KATNIP: variants seen among roughly 807,000 people sequenced by gnomAD.
KATNIP encodes katanin-interacting protein.
A neutral mutation model predicts 174.0 loss-of-function variants in KATNIP; 126 were observed. The ratio of observed to expected loss-of-function variants is 0.72; its 90% confidence interval spans 0.63 to 0.84. KATNIP has a LOEUF of 0.84. Among genes scored for constraint, KATNIP ranks in the 40% least tolerant of loss-of-function variants. The pLI, the probability that KATNIP is intolerant of heterozygous loss-of-function variation, is 0.00. For missense variants in KATNIP, 1,958 were observed against 2,109.7 expected, an observed-to-expected ratio of 0.93 and a Z score of 1.41; for synonymous variants, 810 against 835.7, an observed-to-expected ratio of 0.97 and a Z score of 0.53.
chr16:27,580,474 A>G (rs2090654843), intron 2 of KATNIP, among the ~76,000 whole-genome samples: 1 of 152,216 alleles, frequency 6.6e-6, no homozygotes, highest in South Asian at 2.1e-4. Flanking sequence ...GCCACAGGCC[A>G]GTGAGAGAGT....
chr16:27,666,961 T>C (rs556807874), intron 6 of KATNIP, among the ~76,000 whole-genome samples: 1 of 152,306 alleles, frequency 6.6e-6, no homozygotes, highest in East Asian at 1.9e-4. Flanking sequence ...AAGTCTGTCT[T>C]GTTCATCACT....
intron 18 of KATNIP, among the ~76,000 whole-genome samples, chr16:27,758,893 A>G (rs997715013): frequency 6.6e-6 from 1 of 152,202 alleles, no homozygotes; most frequent in African/African-American, 2.4e-5. Context: ...AGTCTTTGCT[A>G]GAATGCAAGC....
At position 27,740,432 on chromosome 16, in the gene KATNIP, C is replaced by G; in HGVS notation, c.2135C>G (p.Pro712Arg). The G allele has an allele frequency of 6.2e-7, 1 of 1,613,964 alleles. No homozygotes were observed. The highest frequency in any genetic ancestry group is 1.1e-5 in the South Asian group (1 of 91,078). ...GTCCCCACTTCGATGGGTGACATGC[C>G]CAGTGCTCCTGCCACTTCCCCACCT... Reference protein sequence around the residue: ...SAVPTSMGDMPSAPATSPPVK... With the variant: ...SAVPTSMGDMRSAPATSPPVK... The change falls in exon 15 of 28, where the codon CCC becomes CGC. Residue 712 changes from proline to arginine, a missense_variant. Physicochemically the swap from Pro to Arg is moderately radical, Grantham distance 103. Transcript: ENST00000261588.
intron 14 of KATNIP, among the ~76,000 whole-genome samples, chr16:27,734,853 C>T (rs1012198983): frequency 6.6e-6 from 1 of 152,202 alleles, no homozygotes; most frequent in African/African-American, 2.4e-5. Context: ...AGCATGCCAG[C>T]CATAGTGGCT....
intron 22 of KATNIP, among the ~76,000 whole-genome samples, 182 bp downstream of exon 22, chr16:27,771,834 G>A (rs1305348833): frequency 6.6e-6 from 1 of 152,196 alleles, no homozygotes; most frequent in African/African-American, 2.4e-5. Flanking sequence ...TGCTGGAACT[G>A]GGGCAGCCAG....
At position 27,698,315 on chromosome 16, in the gene KATNIP, C is replaced by A; in HGVS notation, c.941-13C>A. ...ATAATCTAAAAGAACGTCCCCCTGTCTTCTGCCCTCAGGACCTGGAAGCCG... is the reference window on the plus strand; with the variant it reads ...ATAATCTAAAAGAACGTCCCCCTGTATTCTGCCCTCAGGACCTGGAAGCCG... On this transcript the variant is annotated splice_polypyrimidine_tract_variant and intron_variant, in intron 8 of 27. Transcript: ENST00000261588. The A allele has an allele frequency of 6.2e-7, 1 of 1,602,208 alleles. No homozygotes were observed.
intron 5 of KATNIP, among the ~76,000 whole-genome samples, chr16:27,643,020 C>T (rs1342318676): frequency 3.3e-5 from 5 of 152,136 alleles, no homozygotes; most frequent in Admixed American, 2.0e-4. Context: ...AGCCTCAGCC[C>T]GTATTTGTAA....
chr16:27,727,035 G>C (rs2080477898), intron 14 of KATNIP, among the ~76,000 whole-genome samples: 9 of 152,228 alleles, frequency 5.9e-5, no homozygotes, highest in Admixed American at 5.9e-4. Flanking sequence ...GTATACCTCA[G>C]CTTTATCTGA....
At chr16:27,626,209 G>A (rs1045091086) in intron 3 of KATNIP, among the ~76,000 whole-genome samples, 2 of 135,326 alleles carry the variant, frequency 1.5e-5, no homozygotes, top group African/African-American at 5.7e-5. Flanking sequence ...GCCCCCCACT[G>A]AACAGATCAC....
chr16:27,582,809 A>G (rs985866667), intron 2 of KATNIP, among the ~76,000 whole-genome samples: 2 of 152,206 alleles, frequency 1.3e-5, no homozygotes, highest in African/African-American at 2.4e-5. Context: ...AACCTGGCAC[A>G]TACTCAGAGC....
intron 22 of KATNIP, 129 bp downstream of exon 22, chr16:27,771,781 C>A: frequency 2.1e-6 from 2 of 951,266 alleles, no homozygotes; most frequent in Non-Finnish European, 3.2e-6. Context: ...GAAACCAAGG[C>A]AGAGGATAGG....
In KATNIP at chr16:27,567,524, G is replaced by A. The variant is rs569764580; in HGVS notation, c.8-6377G>A. ...CCTTGTGTTTTTTTTCTGTTTGTTT[G>A]TGTTTTTGTTGTTGTTTGAGAAGGA... On this transcript the variant is annotated intron_variant, in intron 1 of 27. Coordinates refer to ENST00000261588, the MANE Select transcript of KATNIP (RefSeq NM_015202.5). Among the ~76,000 whole-genome samples, 172 of 152,038 alleles carry A rather than the reference G, an allele frequency of 1.1e-3. 1 individual carries two copies. Among genetic ancestry groups the A allele is most frequent in the Non-Finnish European group, 2.0e-3 (133 of 67,946 alleles).
chr16:27,706,648 C>G (rs747451396), intron 12 of KATNIP, among the ~76,000 whole-genome samples: 1 of 152,194 alleles, frequency 6.6e-6, no homozygotes, highest in Admixed American at 6.5e-5. Flanking sequence ...TTAACAGATC[C>G]TTCAGCTTTT....
chr16:27,719,102 A>T (rs1251668716), intron 13 of KATNIP, among the ~76,000 whole-genome samples: 1 of 152,182 alleles, frequency 6.6e-6, no homozygotes, highest in East Asian at 1.9e-4. Flanking sequence ...GAGGTTGCTT[A>T]TTGGCAGATG....
intron 10 of KATNIP, among the ~76,000 whole-genome samples, chr16:27,700,221 A>G (rs993158316): frequency 2.0e-5 from 3 of 152,220 alleles, no homozygotes; most frequent in South Asian, 2.1e-4. Flanking sequence ...CTATATTTCT[A>G]TTTATTGACA....
At chr16:27,657,317 A>G (rs2077330432) in intron 6 of KATNIP, among the ~76,000 whole-genome samples, 1 of 152,198 alleles carries the variant, frequency 6.6e-6, no homozygotes, top group Admixed American at 6.6e-5. Flanking sequence ...TTGGGTGTTC[A>G]TTATACTAGC....
At chr16:27,659,295 T>C (rs1028845819) in intron 6 of KATNIP, among the ~76,000 whole-genome samples, 1 of 152,042 alleles carries the variant, frequency 6.6e-6, no homozygotes, top group African/African-American at 2.4e-5. Context: ...GAGGATCACT[T>C]GAGGCCAGAA....
chr16:27,583,183 C>T (rs1275107484), intron 2 of KATNIP, among the ~76,000 whole-genome samples: 2 of 152,180 alleles, frequency 1.3e-5, no homozygotes, highest in African/African-American at 4.8e-5. Flanking sequence ...CTGGTATCAG[C>T]TTAGCTTCCA....
At chr16:27,577,986 CAT>C (rs1280701214) in intron 2 of KATNIP, among the ~76,000 whole-genome samples, 2 of 152,162 alleles carry the variant, frequency 1.3e-5, no homozygotes, top group African/African-American at 4.8e-5. Flanking sequence ...GCAATTCATT[CAT>C]TCATACATTT....
Sources: allele counts gnomAD v4.1 joint callset (sites outside exome capture counted in the v4.1 genomes callset), GRCh38; gene constraint gnomAD v4.1.1; transcripts MANE v1.5; gene names NCBI Gene and HGNC (gene_info 2026-07-23, HGNC 2026-07-21).